The following ZNF431 variants were observed in gnomAD, a reference collection of about 807,000 sequenced individuals.
ZNF431 encodes zinc finger protein 431.
Under a neutral mutation model 57.0 loss-of-function variants are expected in ZNF431, and 34 were observed. The observed-to-expected ratio is 0.60, with a 90% confidence interval of 0.45 to 0.79. The LOEUF is 0.79. Among genes scored for constraint, ZNF431 ranks in the 30% least tolerant of loss-of-function variants. The pLI, the probability that ZNF431 is intolerant of heterozygous loss-of-function variation, is 0.00. For missense variants in ZNF431, 607 were observed against 667.1 expected, an observed-to-expected ratio of 0.91 and a Z score of 0.99; for synonymous variants, 207 against 220.3, an observed-to-expected ratio of 0.94 and a Z score of 0.54.
chr19:21,146,989 TC>T (rs2144924185), intron 2 of ZNF431, among the ~76,000 whole-genome samples: 1 of 152,332 alleles, frequency 6.6e-6, no homozygotes, highest in East Asian at 1.9e-4. Flanking sequence ...GCCTAACTAT[TC>T]AGTTTTCTTG....
At chr19:21,169,605 CTTGGG>C (rs1211764524) in intron 4 of ZNF431, among the ~76,000 whole-genome samples, 3 of 152,098 alleles carry the variant, frequency 2.0e-5, no homozygotes, top group Non-Finnish European at 4.4e-5. Flanking sequence ...GTCACAAGGG[CTTGGG>C]TAATTGTAAT....
At chr19:21,181,246 G>GT (rs1168787859) in intron 4 of ZNF431, among the ~76,000 whole-genome samples, 2 of 152,064 alleles carry the variant, frequency 1.3e-5, no homozygotes, top group Admixed American at 6.6e-5. Context: ...AGCAGCAACG[G>GT]TTTTCAGCAT....
intron 2 of ZNF431, among the ~76,000 whole-genome samples, chr19:21,153,750 CTTG>C (rs1399661964): frequency 6.6e-6 from 1 of 152,044 alleles, no homozygotes; most frequent in Non-Finnish European, 1.5e-5. Context: ...AAGTTTCGCT[CTTG>C]TTGTCCAGTT....
At chr19:21,158,742 G>A (rs1175091442) in intron 2 of ZNF431, among the ~76,000 whole-genome samples, 1 of 152,072 alleles carries the variant, frequency 6.6e-6, no homozygotes, top group Non-Finnish European at 1.5e-5. Flanking sequence ...GGGTTTTGAA[G>A]ATATAGAATC....
rs1378995221 is a variant in ZNF431, at chr19:21,185,916, CAG to C, written c.*1883_*1884del. On this transcript the variant is annotated 3_prime_UTR_variant, in exon 5 of 5. Coordinates refer to ENST00000311048, the MANE Select transcript of ZNF431 (RefSeq NM_133473.4). ...TGTACAATTAAATTTTTATTTACCA[CAG>C]TGTTATTTTTATCGTCATAATAAAA... 6.6e-6 allele frequency: 1 copy of C among 152,118 alleles called. No individual in the cohort carries two copies. Among genetic ancestry groups the C allele is most frequent in the African/African-American group, 2.4e-5 (1 of 41,412 alleles). The allele number at this position is 152,118 out of a possible 1,614,324, so 9.4% of individuals were successfully genotyped here. A position where few individuals can be genotyped will look rare whatever the true frequency, so the allele number is the denominator to read the frequency against.
chr19:21,163,679 G>A (rs952884360), intron 2 of ZNF431, among the ~76,000 whole-genome samples: 3 of 151,664 alleles, frequency 2.0e-5, no homozygotes, highest in African/African-American at 7.3e-5. Flanking sequence ...GCACCACCAC[G>A]CCAGCTAATT....
At chr19:21,169,356 T>C (rs1349842784) in intron 4 of ZNF431, among the ~76,000 whole-genome samples, 1 of 152,222 alleles carries the variant, frequency 6.6e-6, no homozygotes, top group East Asian at 1.9e-4. Context: ...CCACATACTT[T>C]CAGTGCTACC....
chr19:21,163,970 A>G (rs1015709394), intron 2 of ZNF431, among the ~76,000 whole-genome samples: 7 of 151,156 alleles, frequency 4.6e-5, no homozygotes, highest in Non-Finnish European at 1.0e-4. Context: ...AATCCCAGCT[A>G]CTCAGGAGGC....
At chr19:21,164,499 C>G (rs1397303942) in intron 2 of ZNF431, among the ~76,000 whole-genome samples, 1 of 152,046 alleles carries the variant, frequency 6.6e-6, no homozygotes, top group Non-Finnish European at 1.5e-5. Context: ...ACTTTTTGGT[C>G]TTGGTCCTTC....
intron 2 of ZNF431, among the ~76,000 whole-genome samples, chr19:21,144,809 C>G (rs939864180): frequency 1.6e-4 from 25 of 152,092 alleles, no homozygotes; most frequent in African/African-American, 5.8e-4. Context: ...TACATAGATT[C>G]ATGAAAACAT....
intron 1 of ZNF431, among the ~76,000 whole-genome samples, 183 bp downstream of exon 1, chr19:21,142,369 GA>G (rs1354850035): frequency 6.6e-6 from 1 of 152,190 alleles, no homozygotes; most frequent in Non-Finnish European, 1.5e-5. Context: ...TGACAGTCGG[GA>G]CCCCAGGCGT....
intron 4 of ZNF431, 114 bp downstream of exon 4, chr19:21,167,780 G>T: frequency 1.7e-6 from 1 of 575,436 alleles, no homozygotes; most frequent in Non-Finnish European, 2.7e-6. Context: ...AAAGCATGTA[G>T]TTTCTGGGAG....
chr19:21,168,694 G>C (rs1052974183), intron 4 of ZNF431, among the ~76,000 whole-genome samples: 6 of 150,822 alleles, frequency 4.0e-5, no homozygotes, highest in African/African-American at 1.5e-4. Context: ...ATTTATTTTT[G>C]TCTTCTCTAA....
At chr19:21,163,503 T>C (rs1397354794) in intron 2 of ZNF431, among the ~76,000 whole-genome samples, 5 of 152,180 alleles carry the variant, frequency 3.3e-5, no homozygotes, top group Admixed American at 3.3e-4. Context: ...ATTACATAGA[T>C]TGGGACCAAA....
In ZNF431 at chr19:21,186,745, T is replaced by C. The variant is rs1971382528; in HGVS notation, c.*2711T>C. The C allele has an allele frequency of 6.6e-6, 1 of 152,198 alleles. No homozygotes were observed. Among genetic ancestry groups the C allele is most frequent in the Non-Finnish European group, 1.5e-5 (1 of 68,020 alleles). 9.4% of individuals were successfully genotyped at this position (152,198 alleles called of 1,614,324 possible). A position where few individuals can be genotyped will look rare whatever the true frequency, so the allele number is the denominator to read the frequency against. ...GAAGTATTCATTATGTGAGCTGGTCTGCGATTATAAGAATTTTTATGAAAT... is the reference window on the plus strand; with the variant it reads ...GAAGTATTCATTATGTGAGCTGGTCCGCGATTATAAGAATTTTTATGAAAT... On this transcript the variant is annotated 3_prime_UTR_variant, in exon 5 of 5. Transcript: ENST00000311048.
intron 2 of ZNF431, among the ~76,000 whole-genome samples, chr19:21,160,771 G>A (rs1970546813): frequency 6.6e-6 from 1 of 152,138 alleles, no homozygotes; most frequent in Non-Finnish European, 1.5e-5. Context: ...ACTTTAGTTG[G>A]TACCAAGATG....
intron 2 of ZNF431, among the ~76,000 whole-genome samples, chr19:21,147,455 A>C (rs1350605434): frequency 2.0e-5 from 3 of 151,920 alleles, no homozygotes; most frequent in African/African-American, 7.2e-5. Context: ...GCATCATTAC[A>C]CTCCAGCTCC....
intron 4 of ZNF431, chr19:21,175,527 T>A: frequency 1.5e-6 from 1 of 666,156 alleles, no homozygotes. Context: ...CCTATTAACC[T>A]CTCACCTCGG....
At position 21,183,325 on chromosome 19, in the gene ZNF431, A is replaced by C; in HGVS notation, c.1022A>C (p.Glu341Ala). The C allele has an allele frequency of 4.3e-6, 7 of 1,613,968 alleles. No individual in the cohort carries two copies. Among genetic ancestry groups the C allele is most frequent in the Non-Finnish European group, 5.9e-6 (7 of 1,179,908 alleles). The change falls in exon 5 of 5, where the codon GAG (glutamate) becomes GCG (alanine). Residue 341 changes from glutamate to alanine, a missense_variant. By Grantham distance (107) the Glu-to-Ala change is moderately radical. Transcript: ENST00000311048. ...LSTHKFIHAGEKPYKCEECDK... is the reference protein window; with the variant it reads ...LSTHKFIHAGAKPYKCEECDK... ...ACACATAAGTTCATTCATGCTGGAG[A>C]GAAACCCTACAAATGTGAGGAATGT...
Sources: gnomAD v4.1 joint callset for allele counts (sites outside exome capture counted in the v4.1 genomes callset) on GRCh38, gnomAD v4.1.1 for gene constraint, MANE v1.5 for transcripts, NCBI Gene and HGNC (gene_info 2026-07-23, HGNC 2026-07-21) for gene names.